The following AAK1 variants were observed in gnomAD, a reference collection of about 807,000 sequenced individuals.
AAK1 encodes the protein AP2-associated protein kinase 1.
A neutral mutation model predicts 116.0 loss-of-function variants in AAK1; 37 were observed. That is an observed-to-expected ratio of 0.32 (90% CI 0.25 to 0.42). The LOEUF is 0.42. Ranked by LOEUF, AAK1 falls within the 10% of genes least tolerant of loss-of-function variation. AAK1 has a pLI of 1.00. For synonymous variants in AAK1, 458 were observed against 439.9 expected (o/e 1.04, Z -0.51); for missense variants, 919 against 1,170.6 (o/e 0.79, Z 3.14).
chr2:69,511,647 G>C (rs1397794471), intron 13 of AAK1, among the ~76,000 whole-genome samples: 1 of 152,190 alleles, frequency 6.6e-6, no homozygotes, highest in Non-Finnish European at 1.5e-5. Flanking sequence ...CCTTTATTTT[G>C]AAGAGTCCAG....
Position 69,465,840 on chromosome 2 carries a change from G to C in AAK1, c.*10029C>G. ...CACAAAACCAGCTGTGGAATACTGA[G>C]CTTGGACAGAGGTGTACACAGCTCT... On this transcript the variant is annotated 3_prime_UTR_variant, in exon 22 of 22. Coordinates refer to ENST00000409085, the MANE Select transcript of AAK1 (RefSeq NM_014911.5). 3.1e-6 allele frequency: 4 copies of C among 1,290,892 alleles called. No individual in the cohort carries two copies. Among genetic ancestry groups the C allele is most frequent in the Non-Finnish European group, 4.0e-6 (4 of 988,872 alleles). 80.0% of individuals were successfully genotyped at this position (1,290,892 alleles called of 1,614,324 possible).
Position 69,544,554 on chromosome 2 carries a change from A to T in AAK1, c.283-10T>A. ...GCCCTGAAAGATCCCTCTGTGAACA[A>T]GAGAGGAGAAATATATTGTTAGTTT... On this transcript the variant is annotated splice_polypyrimidine_tract_variant and intron_variant, in intron 3 of 21. Transcript: ENST00000409085. 6.3e-7 allele frequency: 1 copy of T among 1,589,980 alleles called. No individual in the cohort carries two copies. Among genetic ancestry groups the T allele is most frequent in the Non-Finnish European group, 8.6e-7 (1 of 1,158,202 alleles).
rs1674340806 is a variant in AAK1, at chr2:69,461,517, T to TAAC, written c.*14351_*14352insGTT. ...GCATCACCAAAAAAAAAAAAAAAAG[T>TAAC]AATTTGCATGTGTTTGCATCCGTTT... On this transcript the variant is annotated 3_prime_UTR_variant, in exon 22 of 22. Coordinates refer to ENST00000409085, the MANE Select transcript of AAK1 (RefSeq NM_014911.5). The TAAC allele has an allele frequency of 1.4e-5, 3 of 214,644 alleles. No individual in the cohort carries two copies. The highest frequency in any genetic ancestry group is 1.9e-5 in the Non-Finnish European group (2 of 104,806). 13.3% of individuals were successfully genotyped at this position (214,644 alleles called of 1,614,324 possible). A position where few individuals can be genotyped will look rare whatever the true frequency, so the allele number is the denominator to read the frequency against.
chr2:69,625,082 G>A (rs933690572), intron 2 of AAK1, among the ~76,000 whole-genome samples: 1 of 152,202 alleles, frequency 6.6e-6, no homozygotes, highest in African/African-American at 2.4e-5. Context: ...TTTATAGAAT[G>A]TGAGACATAA....
At chr2:69,639,252 T>C (rs1675592958) in intron 2 of AAK1, among the ~76,000 whole-genome samples, 1 of 152,214 alleles carries the variant, frequency 6.6e-6, no homozygotes, top group Non-Finnish European at 1.5e-5. Flanking sequence ...TAAGTCCTCG[T>C]ATAGCTAAGG....
At chr2:69,532,275 T>G in intron 5 of AAK1, 113 bp from the exon 6 acceptor site, 1 of 1,317,798 alleles carries the variant, frequency 7.6e-7, no homozygotes, top group Non-Finnish European at 1.1e-6. Flanking sequence ...CTCATTAATG[T>G]GCACAGGGAA....
At chr2:69,635,096 G>A (rs1447133421) in intron 2 of AAK1, among the ~76,000 whole-genome samples, 2 of 152,194 alleles carry the variant, frequency 1.3e-5, no homozygotes, top group Non-Finnish European at 2.9e-5. Context: ...AGAATATACA[G>A]AGAACTCCTA....
intron 3 of AAK1, among the ~76,000 whole-genome samples, chr2:69,553,697 C>A (rs112086857): frequency 1.3e-5 from 2 of 151,654 alleles, no homozygotes; most frequent in African/African-American, 4.8e-5. Flanking sequence ...CCACCTTGGC[C>A]GCCCAAAGTG....
At position 69,506,164 on chromosome 2, in the gene AAK1, G is replaced by A. The variant is rs562954239; in HGVS notation, c.2165-491C>T. On this transcript the variant is annotated intron_variant, in intron 15 of 21. Coordinates refer to ENST00000409085, the MANE Select transcript of AAK1 (RefSeq NM_014911.5). ...TAGCTTAATGTGAAAGCTGACAGCT[G>A]AACAGTAAGAAAAGGGAGAGGAAAT... is the stretch of plus-strand genomic sequence containing the variant. Among the ~76,000 whole-genome samples the A allele has an allele frequency of 1.4e-4, 22 of 152,244 alleles. 1 individual carries two copies. In the South Asian group the frequency reaches 3.5e-3, roughly 24 times the overall value.
rs762016969 is a variant in AAK1, at chr2:69,505,638, T to C, written c.2200A>G (p.Ser734Gly). Reference protein sequence around the residue: ...HPEKLGGSAESLIPGFQSTQG... With the variant: ...HPEKLGGSAEGLIPGFQSTQG... ...GTTGATTGAAAGCCTGGGATCAAAC[T>C]CTCAGCTGAGCCTCCAAGCTTCTCG... The change falls in exon 16 of 22, where the codon AGT (serine) becomes GGT (glycine). Residue 734 changes from serine (S) to glycine (G), a missense_variant. Physicochemically the swap from Ser to Gly is moderately conservative, Grantham distance 56. Around this residue, in one of 4 missense-constraint regions of AAK1, gnomAD observed 263 missense variants for 285.5 expected, o/e 0.92. Coordinates refer to ENST00000409085, the MANE Select transcript of AAK1 (RefSeq NM_014911.5). 1.2e-6 allele frequency: 2 copies of C among 1,613,584 alleles called. No individual in the cohort carries two copies. The highest frequency in any genetic ancestry group is 8.5e-7 in the Non-Finnish European group (1 of 1,179,680).
At chr2:69,594,842 C>T (rs1197908552) in intron 2 of AAK1, 2 of 1,555,528 alleles carry the variant, frequency 1.3e-6, no homozygotes, top group Admixed American at 3.3e-5. Context: ...CAGTTGGGCT[C>T]AACGCACTCA....
rs1279155133 is a variant in AAK1 at position 69,470,983 on chromosome 2, C to CT, written c.*4885dup. On this transcript the variant is annotated 3_prime_UTR_variant, in exon 22 of 22. Coordinates refer to ENST00000409085, the MANE Select transcript of AAK1 (RefSeq NM_014911.5). ...TTTACATAAGAAAGTTCTTTACAGA[C>CT]TTTTTTTTATACAATACTTGTGCAG... 3.0e-6 allele frequency: 3 copies of CT among 985,458 alleles called. No individual in the cohort carries two copies. The highest frequency in any genetic ancestry group is 4.7e-5 in the South Asian group (1 of 21,282). 61.0% of individuals were successfully genotyped at this position (985,458 alleles called of 1,614,324 possible).
chr2:69,531,128 C>T (rs1012540318), intron 6 of AAK1, among the ~76,000 whole-genome samples: 1 of 152,098 alleles, frequency 6.6e-6, no homozygotes. Flanking sequence ...AGAAAGTGGG[C>T]CCTGGCTGGG....
chr2:69,542,970 G>A (rs763527958), intron 4 of AAK1, among the ~76,000 whole-genome samples: 15 of 152,210 alleles, frequency 9.9e-5, no homozygotes, highest in Non-Finnish European at 1.3e-4. Context: ...TGCTTTAGTT[G>A]CCTGGTTATA....
At position 69,470,979 on chromosome 2, in the gene AAK1, C is replaced by T. The variant is rs998371216; in HGVS notation, c.*4890G>A. 1.0e-6 allele frequency: 1 copy of T among 985,700 alleles called. No individual in the cohort carries two copies. The highest frequency in any genetic ancestry group is 1.7e-5 in the African/African-American group (1 of 57,228). The allele number at this position is 985,700 out of a possible 1,614,324, so 61.1% of individuals were successfully genotyped here. A position where few individuals can be genotyped will look rare whatever the true frequency, so the allele number is the denominator to read the frequency against. The stretch of plus-strand genomic sequence containing the variant: ...TATGTTTACATAAGAAAGTTCTTTA[C>T]AGACTTTTTTTTATACAATACTTGT... On this transcript the variant is annotated 3_prime_UTR_variant, in exon 22 of 22. Coordinates refer to ENST00000409085, the MANE Select transcript of AAK1 (RefSeq NM_014911.5).
chr2:69,459,682 A>G lies in AAK1; in HGVS notation c.*16187T>C, dbSNP rs1674293678. ...TGATCATTCAACTGTGCCATTCATC[A>G]TGCACTTATTGACATGCTCAAAATA... On this transcript the variant is annotated 3_prime_UTR_variant, in exon 22 of 22. Coordinates refer to ENST00000409085, the MANE Select transcript of AAK1 (RefSeq NM_014911.5). The G allele has an allele frequency of 6.6e-6, 1 of 152,248 alleles. No homozygotes were observed. The highest frequency in any genetic ancestry group is 1.5e-5 in the Non-Finnish European group (1 of 68,042). 9.4% of individuals were successfully genotyped at this position (152,248 alleles called of 1,614,324 possible).
chr2:69,557,346 G>C (rs985216152), intron 2 of AAK1, among the ~76,000 whole-genome samples: 1 of 147,076 alleles, frequency 6.8e-6, no homozygotes, highest in African/African-American at 2.5e-5. Context: ...CTGTGGCCCA[G>C]ACTGGCATGA....
At chr2:69,600,921 C>G (rs1673549366) in intron 2 of AAK1, among the ~76,000 whole-genome samples, 1 of 152,210 alleles carries the variant, frequency 6.6e-6, no homozygotes, top group Non-Finnish European at 1.5e-5. Flanking sequence ...CAGCAGTTAT[C>G]AACATCAAGG....
chr2:69,482,868 A>G (rs1675148400), intron 17 of AAK1, 56 bp from the exon 18 acceptor site: 3 of 1,088,862 alleles, frequency 2.8e-6, no homozygotes, highest in East Asian at 4.8e-5. Flanking sequence ...TATTAAAGCC[A>G]GCGGATCATT....
Sources: gnomAD v4.1 joint callset for allele counts (sites outside exome capture counted in the v4.1 genomes callset) on GRCh38, gnomAD v4.1.1 for gene constraint, gnomAD v4.1.1 regional missense constraint, MANE v1.5 for transcripts, NCBI Gene and HGNC (gene_info 2026-07-23, HGNC 2026-07-21) for gene names.